Variants in NXPE4 observed in about 807,000 individuals in gnomAD.
NXPE4 encodes neurexophilin and PC-esterase domain family member 4, also known as NXPE family member 4.
NXPE4 carries 42 observed loss-of-function variants against 33.3 expected under a neutral mutation model. The observed-to-expected ratio is 1.26, with a 90% CI of 0.98 to 1.63. The LOEUF is 1.63. NXPE4 is among the 40% of genes most tolerant of loss of function. The pLI is 0.00. For synonymous variants in NXPE4, 253 were observed against 234.9 expected, an observed-to-expected ratio of 1.08 and a Z score of -0.71; for missense variants, 709 against 647.6, an observed-to-expected ratio of 1.09 and a Z score of -1.03.
the NXPE4 span, among the ~76,000 whole-genome samples, chr11:114,637,084 A>T: frequency 6.6e-6 from 1 of 151,666 alleles, no homozygotes; most frequent in Non-Finnish European, 1.5e-5. Flanking sequence ...CCCATTATTA[A>T]CGTGTGGGAG....
intron 2 of NXPE4, among the ~76,000 whole-genome samples, chr11:114,593,839 G>C (rs1214817247): frequency 6.6e-6 from 1 of 152,112 alleles, no homozygotes; most frequent in South Asian, 2.1e-4. Context: ...GTAGTATTCA[G>C]TTATAAAAAG....
the NXPE4 span, among the ~76,000 whole-genome samples, chr11:114,663,678 T>TTATCTATCTATC: frequency 0.19 from 27,753 of 145,802 alleles, 2,762 homozygotes; most frequent in Middle Eastern, 0.21. Flanking sequence ...ATCTATCTAT[T>TTATCTATCTATC]TATCTATCTA....
At chr11:114,623,708 C>T in the NXPE4 span, among the ~76,000 whole-genome samples, 6 of 151,958 alleles carry the variant, frequency 3.9e-5, no homozygotes, top group East Asian at 1.9e-4. Flanking sequence ...CAGTGTTACC[C>T]GATGGATAAT....
At chr11:114,573,561 T>C (rs1948936960) in intron 5 of NXPE4, among the ~76,000 whole-genome samples, 1 of 151,400 alleles carries the variant, frequency 6.6e-6, no homozygotes, top group Admixed American at 6.6e-5. Flanking sequence ...CAAGCAGGAG[T>C]AGCAATTCTT....
chr11:114,667,100 G>T, the NXPE4 span, among the ~76,000 whole-genome samples: 1 of 152,090 alleles, frequency 6.6e-6, no homozygotes, highest in Non-Finnish European at 1.5e-5. Context: ...TAACTGTGCT[G>T]TGATGGCCAT....
chr11:114,628,876 A>G, the NXPE4 span, among the ~76,000 whole-genome samples: 1 of 152,052 alleles, frequency 6.6e-6, no homozygotes, highest in East Asian at 1.9e-4. Flanking sequence ...AACTACCATC[A>G]GAGAATGCTA....
chr11:114,638,850 C>T, the NXPE4 span, among the ~76,000 whole-genome samples: 4 of 151,850 alleles, frequency 2.6e-5, no homozygotes, highest in Admixed American at 6.6e-5. Context: ...AGTACCCAGC[C>T]GTGTGAGGTG....
rs201525212 is a variant in NXPE4 at position 114,594,776 on chromosome 11, G to C, written c.-10-7C>G. 77 of 1,290,300 alleles carry C rather than the reference G, an allele frequency of 6.0e-5. No individual in the cohort carries two copies. The East Asian group carries it at 1.8e-3, about 29-fold the overall frequency. 79.9% of individuals were successfully genotyped at this position (1,290,300 alleles called of 1,614,324 possible). ...TATTTTCATGATTAGGATCCTACAA[G>C]AGACAATACAAAAACAAGCACAAAA... On this transcript the variant is annotated splice_polypyrimidine_tract_variant and splice_region_variant and intron_variant, in intron 1 of 5. Transcript: ENST00000375478.
chr11:114,609,079 C>A, the NXPE4 span, among the ~76,000 whole-genome samples: 1 of 150,722 alleles, frequency 6.6e-6, no homozygotes, highest in African/African-American at 2.4e-5. Context: ...CACTGTTATC[C>A]GGTGGATAAT....
chr11:114,639,500 C>T, the NXPE4 span, among the ~76,000 whole-genome samples: 1 of 151,406 alleles, frequency 6.6e-6, no homozygotes, highest in African/African-American at 2.4e-5. Flanking sequence ...GTCTGGCACT[C>T]CCTAGTGAGA....
At chr11:114,637,958 C>A in the NXPE4 span, among the ~76,000 whole-genome samples, 1 of 151,498 alleles carries the variant, frequency 6.6e-6, no homozygotes, top group Non-Finnish European at 1.5e-5. Flanking sequence ...TTGCTCTTCT[C>A]GAGGAGTATC....
the NXPE4 span, among the ~76,000 whole-genome samples, chr11:114,608,646 G>A: frequency 6.6e-6 from 1 of 151,820 alleles, no homozygotes; most frequent in African/African-American, 2.4e-5. Flanking sequence ...TTGCCTCGAG[G>A]GTAACCACTG....
At chr11:114,582,225 G>C in intron 3 of NXPE4, 63 bp downstream of exon 3, 2 of 1,489,618 alleles carry the variant, frequency 1.3e-6, no homozygotes, top group Non-Finnish European at 1.8e-6. Context: ...CTTTTCTTTG[G>C]ATCAGTATAT....
At chr11:114,616,166 C>G in the NXPE4 span, among the ~76,000 whole-genome samples, 1 of 151,404 alleles carries the variant, frequency 6.6e-6, no homozygotes, top group Non-Finnish European at 1.5e-5. Flanking sequence ...ACCATGGTTA[C>G]CCTGTGTATG....
At chr11:114,632,716 TA>T in the NXPE4 span, among the ~76,000 whole-genome samples, 5 of 72,276 alleles carry the variant, frequency 6.9e-5, 1 homozygote, top group African/African-American at 1.7e-4. Context: ...TATAATATAA[TA>T]TATATAATAT....
chr11:114,625,510 C>A, the NXPE4 span, among the ~76,000 whole-genome samples: 2 of 151,986 alleles, frequency 1.3e-5, no homozygotes, highest in African/African-American at 4.8e-5. Context: ...ACCACTGTTA[C>A]CAGGTGGATA....
the NXPE4 span, among the ~76,000 whole-genome samples, chr11:114,611,331 G>A: frequency 6.6e-6 from 1 of 151,184 alleles, no homozygotes; most frequent in Non-Finnish European, 1.5e-5. Flanking sequence ...TGGATAATAA[G>A]TATTGCCTCA....
chr11:114,630,648 G>T, the NXPE4 span, among the ~76,000 whole-genome samples: 1 of 150,906 alleles, frequency 6.6e-6, no homozygotes, highest in Non-Finnish European at 1.5e-5. Context: ...AAAAGCAATG[G>T]CAACAAAAGC....
At chr11:114,612,105 C>A in the NXPE4 span, among the ~76,000 whole-genome samples, 1 of 151,856 alleles carries the variant, frequency 6.6e-6, no homozygotes, top group Non-Finnish European at 1.5e-5. Flanking sequence ...TCACGGGTAA[C>A]CACTGTTACC....
Sources: allele counts gnomAD v4.1 joint callset (sites outside exome capture counted in the v4.1 genomes callset), GRCh38; gene constraint gnomAD v4.1.1; transcripts MANE v1.5; gene names NCBI Gene and HGNC (gene_info 2026-07-23, HGNC 2026-07-21).